TRAM1: variants seen among roughly 807,000 people sequenced by gnomAD.
TRAM1 encodes the protein translocation associated membrane protein 1.
A neutral mutation model predicts 48.7 loss-of-function variants in TRAM1; 17 were observed. The ratio of observed to expected loss-of-function variants is 0.35; its 90% confidence interval spans 0.24 to 0.52. TRAM1 has a LOEUF of 0.52. TRAM1 is among the 20% of genes least tolerant of loss of function. The probability of loss-of-function intolerance (pLI) is 0.94; values close to 1 mark genes in which losing one functional copy is unlikely to be tolerated. For synonymous variants in TRAM1, 182 were observed against 154.0 expected, an observed-to-expected ratio of 1.18 and a Z score of -1.34; for missense variants, 351 against 441.5, an observed-to-expected ratio of 0.79 and a Z score of 1.84.
At chr8:70,598,041 A>C (rs370161972) in intron 3 of TRAM1, 30 bp from the exon 4 acceptor site, 100 of 1,523,206 alleles carry the variant, frequency 6.6e-5, no homozygotes, top group Non-Finnish European at 8.2e-5. Context: ...TTAGTAATTA[A>C]GAATAAATTA....
In TRAM1 at chr8:70,573,954, A is replaced by G. The variant is rs1185307445; in HGVS notation, c.*978T>C. 2 of 190,792 alleles carry G rather than the reference A, an allele frequency of 1.0e-5. No individual in the cohort carries two copies. Among genetic ancestry groups the G allele is most frequent in the African/African-American group, 4.8e-5 (2 of 41,670 alleles). 11.8% of individuals were successfully genotyped at this position (190,792 alleles called of 1,614,324 possible). A position where few individuals can be genotyped will look rare whatever the true frequency, so the allele number is the denominator to read the frequency against. ...AAGCTATAGGTATAACATAAAGCAC[A>G]TTGTCTTTTGTAAGACTATTTATCC... On this transcript the variant is annotated 3_prime_UTR_variant, in exon 11 of 11. Coordinates refer to ENST00000262213, the MANE Select transcript of TRAM1 (RefSeq NM_014294.6).
chr8:70,597,186 T>A (rs763954178), intron 4 of TRAM1, among the ~76,000 whole-genome samples: 1 of 152,236 alleles, frequency 6.6e-6, no homozygotes, highest in Non-Finnish European at 1.5e-5. Flanking sequence ...AAGCAAATAC[T>A]GCCTTTCTTT....
intron 8 of TRAM1, among the ~76,000 whole-genome samples, chr8:70,585,114 G>T (rs563920924): frequency 7.9e-5 from 12 of 152,300 alleles, no homozygotes; most frequent in South Asian, 4.1e-4. Flanking sequence ...AGAGCCCTCA[G>T]AAATAATGCT....
intron 1 of TRAM1, among the ~76,000 whole-genome samples, chr8:70,600,696 CG>C (rs1662255007): frequency 6.6e-6 from 1 of 152,190 alleles, no homozygotes; most frequent in South Asian, 2.1e-4. Flanking sequence ...CAAGGAGCTC[CG>C]TGGTGTGAAA....
chr8:70,606,612 G>C (rs1386445068), intron 1 of TRAM1, among the ~76,000 whole-genome samples: 1 of 152,140 alleles, frequency 6.6e-6, no homozygotes, highest in Non-Finnish European at 1.5e-5. Flanking sequence ...TTGAGGCTCA[G>C]ACTTGGGTCA....
chr8:70,578,333 T>C (rs1180671993), intron 10 of TRAM1, among the ~76,000 whole-genome samples: 1 of 152,194 alleles, frequency 6.6e-6, no homozygotes, highest in Non-Finnish European at 1.5e-5. Flanking sequence ...GGTCTTGAAC[T>C]CCTGGGCTCA....
chr8:70,584,803 T>A (rs1482147170), intron 8 of TRAM1, among the ~76,000 whole-genome samples: 3 of 152,016 alleles, frequency 2.0e-5, no homozygotes, highest in Non-Finnish European at 4.4e-5. Flanking sequence ...TGGAAGAACA[T>A]TCCATGCTCA....
At chr8:70,599,072 G>A (rs1817549841) in intron 2 of TRAM1, among the ~76,000 whole-genome samples, 1 of 152,124 alleles carries the variant, frequency 6.6e-6, no homozygotes, top group African/African-American at 2.4e-5. Context: ...GACCTAGGTA[G>A]TATAGTGAGA....
intron 8 of TRAM1, among the ~76,000 whole-genome samples, chr8:70,584,277 A>T (rs1214523866): frequency 6.6e-6 from 1 of 152,214 alleles, no homozygotes; most frequent in East Asian, 1.9e-4. Context: ...AGTATTCAGA[A>T]TAATTTTGGA....
At chr8:70,583,398 A>G in intron 9 of TRAM1, 74 bp from the exon 10 acceptor site, 2 of 1,462,950 alleles carry the variant, frequency 1.4e-6, no homozygotes, top group Non-Finnish European at 1.8e-6. Flanking sequence ...CATCTTTCAT[A>G]GTATTTAGTA....
chr8:70,597,165 C>T (rs1165498616), intron 4 of TRAM1, among the ~76,000 whole-genome samples: 1 of 152,124 alleles, frequency 6.6e-6, no homozygotes, highest in Non-Finnish European at 1.5e-5. Context: ...GGATTGTTAT[C>T]ACTAATATTA....
chr8:70,579,167 G>A (rs946530691), intron 10 of TRAM1, among the ~76,000 whole-genome samples: 1 of 152,180 alleles, frequency 6.6e-6, no homozygotes, highest in Non-Finnish European at 1.5e-5. Context: ...ATCACAGAAT[G>A]TACTTCCACA....
chr8:70,586,094 T>TA (rs1817211513), intron 8 of TRAM1, among the ~76,000 whole-genome samples: 1 of 151,414 alleles, frequency 6.6e-6, no homozygotes, highest in Admixed American at 6.6e-5. Flanking sequence ...TATGCAGCCA[T>TA]AAAAAATGAA....
At chr8:70,607,417 T>C in intron 1 of TRAM1, 2 of 985,440 alleles carry the variant, frequency 2.0e-6, no homozygotes, top group Non-Finnish European at 2.4e-6. Context: ...ATAATATCAG[T>C]TTAAAAGACA....
intron 10 of TRAM1, among the ~76,000 whole-genome samples, chr8:70,576,230 T>C (rs914870471): frequency 1.3e-5 from 2 of 151,928 alleles, no homozygotes; most frequent in East Asian, 3.9e-4. Context: ...AAGATCCATC[T>C]CAAGAAGGTA....
Position 70,592,266 on chromosome 8 carries a change from C to T in TRAM1, c.570+2240G>A, listed in dbSNP as rs1817382471. ...TTGAAAGAAACTAAGTTATTTGTGA[C>T]TAACACACCTCTTGAACTGCTACTA... On this transcript the variant is annotated intron_variant, in intron 6 of 10. Transcript: ENST00000262213. Among the ~76,000 whole-genome samples, 4 of 152,298 alleles carry T rather than the reference C, an allele frequency of 2.6e-5. No homozygotes were observed. In the South Asian group the frequency reaches 8.3e-4, roughly 32 times the overall value.
At position 70,596,254 on chromosome 8, in the gene TRAM1, A is replaced by G. The variant is rs779841019; in HGVS notation, c.485+9T>C. On this transcript the variant is annotated intron_variant, in intron 5 of 10. Coordinates refer to ENST00000262213, the MANE Select transcript of TRAM1 (RefSeq NM_014294.6). ...CTTAACAAAGAAAGGGCTGCTAAAA[A>G]TGACTTACGTCATCAGGTTATGGGG... The G allele has an allele frequency of 6.4e-7, 1 of 1,564,806 alleles. No individual in the cohort carries two copies. Among genetic ancestry groups the G allele is most frequent in the East Asian group, 2.4e-5 (1 of 42,032 alleles).
chr8:70,600,070 C>A lies in TRAM1; in HGVS notation c.136G>T (p.Ala46Ser), dbSNP rs765404667. ...LGLMFEITAK[A>S]SIIFVTLQYN... ...TGAAGAGTAACAAAAATGATAGAAG[C>A]TTTTGCCGTTATCTACAAAGAAGGA... The change falls in exon 2 of 11, where the codon GCT becomes TCT. Residue 46 changes from alanine (A) to serine (S), a missense_variant. By Grantham distance (99) the Ala-to-Ser change is moderately conservative. Transcript: ENST00000262213. 4 of 1,613,724 alleles carry A rather than the reference C, an allele frequency of 2.5e-6. No homozygotes were observed. The highest frequency in any genetic ancestry group is 3.4e-6 in the Non-Finnish European group (4 of 1,179,724).
At chr8:70,583,625 G>T in intron 9 of TRAM1, 25 bp downstream of exon 9, 1 of 1,601,620 alleles carries the variant, frequency 6.2e-7, no homozygotes, top group Non-Finnish European at 8.5e-7. Context: ...TGTATAAAGT[G>T]AAAAAAATGT....
Sources: gnomAD v4.1 joint callset for allele counts (sites outside exome capture counted in the v4.1 genomes callset) on GRCh38, gnomAD v4.1.1 for gene constraint, MANE v1.5 for transcripts, NCBI Gene and HGNC (gene_info 2026-07-23, HGNC 2026-07-21) for gene names.